The following DYRK2 variants were observed in gnomAD, a reference collection of about 807,000 sequenced individuals.
The protein encoded by DYRK2 is dual specificity tyrosine phosphorylation regulated kinase 2, also known as dual specificity tyrosine-phosphorylation-regulated kinase 2.
DYRK2 carries 12 observed loss-of-function variants against 41.6 expected under a neutral mutation model. That is an observed-to-expected ratio of 0.29 (90% CI 0.18 to 0.47). DYRK2 has a LOEUF of 0.47. DYRK2 is among the 20% of genes least tolerant of loss of function. The pLI, the probability that DYRK2 is intolerant of heterozygous loss-of-function variation, is 1.00. For missense variants in DYRK2, 678 were observed against 798.4 expected (o/e 0.85, Z 1.82); for synonymous variants, 322 against 315.7 (o/e 1.02, Z -0.21).
chr12:67,656,207 G>A (rs1037047481), intron 2 of DYRK2, among the ~76,000 whole-genome samples: 8 of 152,158 alleles, frequency 5.3e-5, no homozygotes, highest in Admixed American at 3.9e-4. Flanking sequence ...AGAGGGCTGG[G>A]GTCCCTTGGT....
intron 2 of DYRK2, among the ~76,000 whole-genome samples, chr12:67,653,198 C>A (rs12298973): frequency 0.24 from 36,185 of 152,054 alleles, 4,437 homozygotes; most frequent in East Asian, 0.41. Context: ...GCCATGATCT[C>A]AGACTTCAAG....
In DYRK2 at chr12:67,659,811, C is replaced by T. The variant is rs946685036; in HGVS notation, c.*1098C>T. 1.2e-5 allele frequency: 2 copies of T among 167,046 alleles called. No individual in the cohort carries two copies. 10.3% of individuals were successfully genotyped at this position (167,046 alleles called of 1,614,324 possible). ...AAAAAGAAAGAGGGTTGAAAATCCT[C>T]TGGACGAACAGAAGTCACTTTGGCT... is the stretch of plus-strand genomic sequence containing the variant. On this transcript the variant is annotated 3_prime_UTR_variant, in exon 3 of 3. Coordinates refer to ENST00000344096, the MANE Select transcript of DYRK2 (RefSeq NM_006482.3).
chr12:67,653,088 C>T (rs929565768), intron 2 of DYRK2, among the ~76,000 whole-genome samples: 2 of 152,162 alleles, frequency 1.3e-5, no homozygotes, highest in African/African-American at 4.8e-5. Context: ...CCTCAGCCTC[C>T]CAAAGTGCTG....
At position 67,662,186 on chromosome 12, in the gene DYRK2, C is replaced by G. The variant is rs1872642587; in HGVS notation, c.*3473C>G. The G allele has an allele frequency of 1.2e-5, 2 of 166,608 alleles. No individual in the cohort carries two copies. The highest frequency in any genetic ancestry group is 4.8e-5 in the African/African-American group (2 of 41,398). The allele number at this position is 166,608 out of a possible 1,614,324, so 10.3% of individuals were successfully genotyped here. On this transcript the variant is annotated 3_prime_UTR_variant, in exon 3 of 3. Coordinates refer to ENST00000344096, the MANE Select transcript of DYRK2 (RefSeq NM_006482.3). Reference sequence around the variant, plus strand: ...CAGAAGACTTTTTAAAAAAACTGATCTGGTCTCGGTAAAGGTTTTAATATT... The same window carrying G: ...CAGAAGACTTTTTAAAAAAACTGATGTGGTCTCGGTAAAGGTTTTAATATT...
At chr12:67,653,337 T>A (rs1195129563) in intron 2 of DYRK2, among the ~76,000 whole-genome samples, 1 of 152,228 alleles carries the variant, frequency 6.6e-6, no homozygotes, top group Non-Finnish European at 1.5e-5. Context: ...CCCCATTTTT[T>A]ATAAGTCAGT....
At position 67,649,817 on chromosome 12, in the gene DYRK2, G is replaced by C; in HGVS notation, c.70G>C (p.Val24Leu). Residue 24 changes from valine (V) to leucine (L), a missense_variant, in exon 2 of 3, where the codon GTT (valine) becomes CTT (leucine). Physicochemically the swap from Val to Leu is conservative, Grantham distance 32. Transcript: ENST00000344096. ...YPTGRGGDSA[V>L]RQLQASPGLG... ...TCCAGGCCGAGGTGGGGACAGCGCCGTTCGTCAGCTTCAGGCTTCCCCGGG... is the reference window on the plus strand; with the variant it reads ...TCCAGGCCGAGGTGGGGACAGCGCCCTTCGTCAGCTTCAGGCTTCCCCGGG... The C allele has an allele frequency of 2.3e-6, 3 of 1,328,886 alleles. No homozygotes were observed. Among genetic ancestry groups the C allele is most frequent in the Non-Finnish European group, 1.9e-6 (2 of 1,032,970 alleles). 82.3% of individuals were successfully genotyped at this position (1,328,886 alleles called of 1,614,324 possible).
Position 67,660,978 on chromosome 12 carries a change from T to A in DYRK2, c.*2265T>A, listed in dbSNP as rs771475819. The A allele has an allele frequency of 1.2e-5, 2 of 167,010 alleles. No individual in the cohort carries two copies. The highest frequency in any genetic ancestry group is 2.9e-5 in the Non-Finnish European group (2 of 68,106). The allele number at this position is 167,010 out of a possible 1,614,324, so 10.3% of individuals were successfully genotyped here. ...TAAATGGACTAATACTGCTTGTCTT[T>A]CCCCCACCGCACAAAACTGGTTCTT... On this transcript the variant is annotated 3_prime_UTR_variant, in exon 3 of 3. Coordinates refer to ENST00000344096, the MANE Select transcript of DYRK2 (RefSeq NM_006482.3).
chr12:67,655,397 C>G (rs1240265644), intron 2 of DYRK2, among the ~76,000 whole-genome samples: 1 of 152,116 alleles, frequency 6.6e-6, no homozygotes, highest in African/African-American at 2.4e-5. Context: ...GAGAGCGAGG[C>G]TGGGGAAGAG....
In DYRK2 at chr12:67,662,388, C is replaced by T. The variant is rs139323718; in HGVS notation, c.*3675C>T. 7.4e-4 allele frequency: 124 copies of T among 166,960 alleles called. 2 individuals carry two copies. In the East Asian group the frequency reaches 0.022, roughly 29 times the overall value. The allele number at this position is 166,960 out of a possible 1,614,324, so 10.3% of individuals were successfully genotyped here. A position where few individuals can be genotyped will look rare whatever the true frequency, so the allele number is the denominator to read the frequency against. On this transcript the variant is annotated 3_prime_UTR_variant, in exon 3 of 3. Coordinates refer to ENST00000344096, the MANE Select transcript of DYRK2 (RefSeq NM_006482.3). ...TTTTTATCGAGCAACAACTTAGACA[C>T]GTGACTGTAATATGCTGCAACTGTG...
At chr12:67,649,460 G>T (rs1230168201) in intron 1 of DYRK2, among the ~76,000 whole-genome samples, 1 of 151,818 alleles carries the variant, frequency 6.6e-6, no homozygotes, top group Non-Finnish European at 1.5e-5. Context: ...GCTGCCCGGG[G>T]CTTGGCGTGG....
chr12:67,652,339 A>C (rs530466990), intron 2 of DYRK2, among the ~76,000 whole-genome samples: 1 of 152,264 alleles, frequency 6.6e-6, no homozygotes, highest in East Asian at 1.9e-4. Context: ...GTATTTTTAA[A>C]TTCAAAAATA....
chr12:67,664,775 T>C lies in DYRK2; in HGVS notation c.*6062T>C, dbSNP rs1592717367. 1 of 152,200 alleles carries C rather than the reference T, an allele frequency of 6.6e-6. No homozygotes were observed. The highest frequency in any genetic ancestry group is 1.9e-4 in the East Asian group (1 of 5,204). The allele number at this position is 152,200 out of a possible 1,614,324, so 9.4% of individuals were successfully genotyped here. A position where few individuals can be genotyped will look rare whatever the true frequency, so the allele number is the denominator to read the frequency against. On this transcript the variant is annotated 3_prime_UTR_variant, in exon 3 of 3. Coordinates refer to ENST00000344096, the MANE Select transcript of DYRK2 (RefSeq NM_006482.3). ...TGGGACAAACTAAAAAGTTGAGGAC[T>C]AGAGCATCGTAGTGTCTAAGTGCAC...
rs936979950 is a variant in DYRK2, at chr12:67,661,697, G to A, written c.*2984G>A. Reference sequence around the variant, plus strand: ...AAGGCATGACTCATCTTCAGGCACTGAAAAAAGATAACCATCAGGTAGTGT... The same window carrying A: ...AAGGCATGACTCATCTTCAGGCACTAAAAAAAGATAACCATCAGGTAGTGT... On this transcript the variant is annotated 3_prime_UTR_variant, in exon 3 of 3. Coordinates refer to ENST00000344096, the MANE Select transcript of DYRK2 (RefSeq NM_006482.3). The A allele has an allele frequency of 2.4e-5, 4 of 166,866 alleles. No individual in the cohort carries two copies. Among genetic ancestry groups the A allele is most frequent in the African/African-American group, 9.7e-5 (4 of 41,404 alleles). 10.3% of individuals were successfully genotyped at this position (166,866 alleles called of 1,614,324 possible). A position where few individuals can be genotyped will look rare whatever the true frequency, so the allele number is the denominator to read the frequency against.
At chr12:67,654,791 G>C (rs1025177697) in intron 2 of DYRK2, among the ~76,000 whole-genome samples, 5 of 152,216 alleles carry the variant, frequency 3.3e-5, no homozygotes, top group African/African-American at 1.2e-4. Context: ...AGAGGGAGCT[G>C]ATCGATAGTT....
rs1872649533 is a variant in DYRK2, at chr12:67,662,409, C to A, written c.*3696C>A. On this transcript the variant is annotated 3_prime_UTR_variant, in exon 3 of 3. Coordinates refer to ENST00000344096, the MANE Select transcript of DYRK2 (RefSeq NM_006482.3). Reference sequence around the variant, plus strand: ...GACACGTGACTGTAATATGCTGCAACTGTGTGTACTGAAAATATGTGAAAA... The same window carrying A: ...GACACGTGACTGTAATATGCTGCAAATGTGTGTACTGAAAATATGTGAAAA... The A allele has an allele frequency of 6.0e-6, 1 of 166,822 alleles. No individual in the cohort carries two copies. The highest frequency in any genetic ancestry group is 1.5e-5 in the Non-Finnish European group (1 of 68,054). 10.3% of individuals were successfully genotyped at this position (166,822 alleles called of 1,614,324 possible).
Position 67,649,129 on chromosome 12 carries a change from C to A in DYRK2, c.-5C>A. The A allele has an allele frequency of 6.6e-7, 1 of 1,512,078 alleles. No individual in the cohort carries two copies. Among genetic ancestry groups the A allele is most frequent in the Non-Finnish European group, 8.9e-7 (1 of 1,127,006 alleles). The allele number at this position is 1,512,078 out of a possible 1,614,324, so 93.7% of individuals were successfully genotyped here. On this transcript the variant is annotated 5_prime_UTR_variant, in exon 1 of 3. Transcript: ENST00000344096. Reference sequence around the variant, plus strand: ...CCCTGAAATGCATTTTCCTCTCCAGCGGCCATGTTAACCAGGAAACCTTCG... The same window carrying A: ...CCCTGAAATGCATTTTCCTCTCCAGAGGCCATGTTAACCAGGAAACCTTCG...
At position 67,664,516 on chromosome 12, in the gene DYRK2, C is replaced by G. The variant is rs947652008; in HGVS notation, c.*5803C>G. On this transcript the variant is annotated 3_prime_UTR_variant, in exon 3 of 3. Coordinates refer to ENST00000344096, the MANE Select transcript of DYRK2 (RefSeq NM_006482.3). ...GTTTATCCTTATACATCCCTATGAG[C>G]TATAATTATCCTCATTTGATACTTG... The G allele has an allele frequency of 6.6e-6, 1 of 152,094 alleles. No homozygotes were observed. The highest frequency in any genetic ancestry group is 2.4e-5 in the African/African-American group (1 of 41,424). 9.4% of individuals were successfully genotyped at this position (152,094 alleles called of 1,614,324 possible).
At position 67,649,078 on chromosome 12, in the gene DYRK2, A is replaced by C; in HGVS notation, c.-56A>C. 1.4e-6 allele frequency: 2 copies of C among 1,424,966 alleles called. No individual in the cohort carries two copies. Among genetic ancestry groups the C allele is most frequent in the Admixed American group, 2.4e-5 (1 of 42,260 alleles). The allele number at this position is 1,424,966 out of a possible 1,614,324, so 88.3% of individuals were successfully genotyped here. A position where few individuals can be genotyped will look rare whatever the true frequency, so the allele number is the denominator to read the frequency against. ...GGCGGCGGCGGCCGCCAGAAGTAGC[A>C]GCAGGACCGGCGGCGGCGACGGCAG... On this transcript the variant is annotated 5_prime_UTR_variant, in exon 1 of 3. Coordinates refer to ENST00000344096, the MANE Select transcript of DYRK2 (RefSeq NM_006482.3).
At chr12:67,653,751 T>G (rs1383745460) in intron 2 of DYRK2, among the ~76,000 whole-genome samples, 1 of 152,208 alleles carries the variant, frequency 6.6e-6, no homozygotes, top group Admixed American at 6.5e-5. Context: ...CATGTGTTCT[T>G]CCATCCCAAA....
Sources: allele counts gnomAD v4.1 joint callset (sites outside exome capture counted in the v4.1 genomes callset), GRCh38; gene constraint gnomAD v4.1.1; transcripts MANE v1.5; gene names NCBI Gene and HGNC (gene_info 2026-07-23, HGNC 2026-07-21).